Variants in CELF2 observed in about 807,000 individuals in gnomAD.
CELF2 encodes CUGBP Elav-like family member 2, also known as CUG triplet repeat RNA-binding protein 2.
Under a neutral mutation model 62.6 loss-of-function variants are expected in CELF2, and 8 were observed. The ratio of observed to expected loss-of-function variants is 0.13; its 90% confidence interval spans 0.07 to 0.23. The LOEUF is 0.23. Among genes scored for constraint, CELF2 ranks in the 10% least tolerant of loss-of-function variants. The pLI is 1.00. For synonymous variants in CELF2, 258 were observed against 250.0 expected, an observed-to-expected ratio of 1.03 and a Z score of -0.30; for missense variants, 333 against 671.0, an observed-to-expected ratio of 0.50 and a Z score of 5.56.
At chr10:10,685,131 A>C in the CELF2 span, among the ~76,000 whole-genome samples, 1 of 152,134 alleles carries the variant, frequency 6.6e-6, no homozygotes, top group African/African-American at 2.4e-5. Flanking sequence ...TATTCTGTGC[A>C]TGGTGTGGTT....
At position 11,075,503 on chromosome 10, in the gene CELF2, G is replaced by C. The variant is rs954327911; in HGVS notation, c.74+57340G>C. 1.3e-5 allele frequency among the ~76,000 whole-genome samples: 2 copies of C among 152,148 alleles called. No homozygotes were observed. The highest frequency in any genetic ancestry group is 4.8e-5 in the African/African-American group (2 of 41,434). On this transcript the variant is annotated intron_variant, in intron 1 of 12. Transcript: ENST00000633077. The surrounding 1 kb of genome is among the most constrained non-coding windows in gnomAD (Gnocchi z 5.4). ...GATGGTAATTGGATTCCCAAAACCGGTATGTTGAAGGTGTTTTATTCTATC... is the reference window on the plus strand; with the variant it reads ...GATGGTAATTGGATTCCCAAAACCGCTATGTTGAAGGTGTTTTATTCTATC...
chr10:11,128,475 C>G (rs2059089774), intron 1 of CELF2, among the ~76,000 whole-genome samples: 1 of 152,168 alleles, frequency 6.6e-6, no homozygotes, highest in African/African-American at 2.4e-5. Flanking sequence ...GGCAGTATGG[C>G]CATTTTCACG....
chr10:11,003,037 T>A (rs1489568636), upstream of CELF2, among the ~76,000 whole-genome samples: 2 of 152,230 alleles, frequency 1.3e-5, no homozygotes, highest in African/African-American at 4.8e-5. This position sits in a 1 kb window ranked among gnomAD's most constrained non-coding sequence, Gnocchi z 4.4. Flanking sequence ...ATACACTATG[T>A]ACATGTTATA....
chr10:10,822,436 A>G (rs2057043891), intron 1 of CELF2, among the ~76,000 whole-genome samples: 1 of 152,224 alleles, frequency 6.6e-6, no homozygotes, highest in African/African-American at 2.4e-5. Flanking sequence ...AGTAATGCAT[A>G]TGCAGTCATG....
chr10:10,973,480 G>A (rs189982874), intron 2 of CELF2, among the ~76,000 whole-genome samples: 7 of 152,156 alleles, frequency 4.6e-5, no homozygotes, highest in East Asian at 1.9e-4. Flanking sequence ...TGCAGACCAC[G>A]CTTAAAAGCC....
chr10:10,991,306 T>G (rs954724907), intron 2 of CELF2, among the ~76,000 whole-genome samples: 2 of 152,150 alleles, frequency 1.3e-5, no homozygotes, highest in African/African-American at 2.4e-5. Flanking sequence ...AGCTAATGAA[T>G]TTGGCATCCT....
intron 3 of CELF2, among the ~76,000 whole-genome samples, chr10:11,230,722 C>A (rs2068334106): frequency 6.6e-6 from 1 of 152,210 alleles, no homozygotes; most frequent in African/African-American, 2.4e-5. Context: ...GTGGGACTTA[C>A]ATAGAATTAA....
chr10:11,146,229 G>C (rs1261713246), intron 1 of CELF2, among the ~76,000 whole-genome samples: 1 of 152,192 alleles, frequency 6.6e-6, no homozygotes, highest in Non-Finnish European at 1.5e-5. Context: ...TTTAGTGAAT[G>C]AATGAATTAT....
intron 1 of CELF2, among the ~76,000 whole-genome samples, chr10:11,019,053 C>T (rs972532142): frequency 2.0e-5 from 3 of 151,924 alleles, no homozygotes; most frequent in African/African-American, 7.3e-5. Context: ...TAAGGTAGAG[C>T]GTTTATTGGA....
intron 1 of CELF2, among the ~76,000 whole-genome samples, chr10:11,084,253 G>A (rs1197159584): frequency 1.3e-5 from 2 of 152,194 alleles, no homozygotes; most frequent in African/African-American, 2.4e-5. Context: ...GGAAACAAAC[G>A]CAAGTGAATA....
the CELF2 span, among the ~76,000 whole-genome samples, chr10:10,609,581 A>G: frequency 3.9e-5 from 6 of 152,210 alleles, no homozygotes; most frequent in Non-Finnish European, 5.9e-5. Context: ...TAAGAAGTGC[A>G]GGGGTGGAAA....
chr10:11,234,155 T>C (rs943773720), intron 3 of CELF2, among the ~76,000 whole-genome samples: 4 of 152,228 alleles, frequency 2.6e-5, no homozygotes, highest in Non-Finnish European at 5.9e-5. Flanking sequence ...CATTGCTTCA[T>C]TGTAATTTAC....
chr10:10,923,115 G>A (rs908862440), intron 2 of CELF2: 1 of 152,200 alleles, frequency 6.6e-6, no homozygotes, highest in African/African-American at 2.4e-5. Context: ...CGGTGCTGTG[G>A]AAAACAAGGC....
At chr10:10,615,420 G>T in the CELF2 span, among the ~76,000 whole-genome samples, 3 of 152,170 alleles carry the variant, frequency 2.0e-5, no homozygotes, top group Non-Finnish European at 4.4e-5. Context: ...CAGGCTGTGA[G>T]CAAGTATCCT....
upstream of CELF2, chr10:11,004,990 A>C: frequency 1.1e-6 from 1 of 950,238 alleles, no homozygotes; most frequent in Non-Finnish European, 1.3e-6. The surrounding 1 kb of genome is among the most constrained non-coding windows in gnomAD (Gnocchi z 5.0). Flanking sequence ...TTAAGTGTGT[A>C]AGAAAAAGGT....
intron 2 of CELF2, among the ~76,000 whole-genome samples, chr10:10,974,294 T>C (rs960520635): frequency 2.0e-5 from 3 of 152,204 alleles, no homozygotes; most frequent in Admixed American, 1.3e-4. Flanking sequence ...GATCAACATA[T>C]ATAAAAGATA....
At chr10:10,481,950 A>G in the CELF2 span, among the ~76,000 whole-genome samples, 1 of 152,222 alleles carries the variant, frequency 6.6e-6, no homozygotes, top group Non-Finnish European at 1.5e-5. Context: ...ATTTCTAGCA[A>G]TGCATGATTC....
intron 1 of CELF2, among the ~76,000 whole-genome samples, chr10:11,079,184 CAA>C (rs918588713): frequency 6.6e-5 from 10 of 152,264 alleles, no homozygotes; most frequent in African/African-American, 2.2e-4. Context: ...CTGAGAGTGA[CAA>C]GAGAGGAGTA....
chr10:10,650,531 A>T, the CELF2 span, among the ~76,000 whole-genome samples: 3 of 120,872 alleles, frequency 2.5e-5, no homozygotes, highest in African/African-American at 9.0e-5. Flanking sequence ...AGAGCAAAAA[A>T]TTGAAACAGC....
Sources: gnomAD v4.1 joint callset for allele counts (sites outside exome capture counted in the v4.1 genomes callset) on GRCh38, gnomAD v4.1.1 for gene constraint, Gnocchi (gnomAD v3.1) non-coding constraint, MANE v1.5 for transcripts, NCBI Gene and HGNC (gene_info 2026-07-23, HGNC 2026-07-21) for gene names.